Variants in NFX1 observed in about 807,000 individuals in gnomAD.
NFX1 encodes nuclear transcription factor, X-box binding 1.
Under a neutral mutation model 137.2 loss-of-function variants are expected in NFX1, and 69 were observed. The observed-to-expected ratio is 0.50, with a 90% CI of 0.41 to 0.61. The LOEUF is 0.61. Among genes scored for constraint, NFX1 ranks in the 20% least tolerant of loss-of-function variants. The probability of loss-of-function intolerance (pLI) is 0.00; values close to 1 mark genes in which losing one functional copy is unlikely to be tolerated. For missense variants in NFX1, 1,167 were observed against 1,391.0 expected, an observed-to-expected ratio of 0.84 and a Z score of 2.56; for synonymous variants, 495 against 474.1, an observed-to-expected ratio of 1.04 and a Z score of -0.57.
chr9:33,363,993 CT>C lies in NFX1; in HGVS notation c.2874-16del. ...CCTCCCACTCCTTTTATTTGCATAC[CT>C]CTCTCTCTCTTTCAGGAGATTAGCA... On this transcript the variant is annotated splice_polypyrimidine_tract_variant and intron_variant, in intron 19 of 23. Coordinates refer to ENST00000379540, the MANE Select transcript of NFX1 (RefSeq NM_002504.6). The C allele has an allele frequency of 6.9e-7, 1 of 1,442,224 alleles. No homozygotes were observed. Among genetic ancestry groups the C allele is most frequent in the Non-Finnish European group, 9.4e-7 (1 of 1,063,710 alleles). The allele number at this position is 1,442,224 out of a possible 1,614,324, so 89.3% of individuals were successfully genotyped here.
chr9:33,367,932 A>C (rs1469896183), intron 23 of NFX1, among the ~76,000 whole-genome samples: 1 of 152,140 alleles, frequency 6.6e-6, no homozygotes, highest in African/African-American at 2.4e-5. Context: ...AACATCGTGT[A>C]GTTAGGAATA....
intron 11 of NFX1, among the ~76,000 whole-genome samples, chr9:33,333,172 T>A (rs1321890135): frequency 1.3e-5 from 2 of 152,214 alleles, no homozygotes; most frequent in Non-Finnish European, 2.9e-5. Context: ...AACCGACACA[T>A]ACTGTTGTTG....
At chr9:33,315,633 C>T (rs904965712) in intron 7 of NFX1, among the ~76,000 whole-genome samples, 4 of 151,614 alleles carry the variant, frequency 2.6e-5, no homozygotes, top group African/African-American at 9.7e-5. Flanking sequence ...GGCACGGTAG[C>T]TCATGCACTC....
intron 11 of NFX1, 30 bp downstream of exon 11, chr9:33,332,532 T>C: frequency 6.6e-7 from 1 of 1,518,922 alleles, no homozygotes; most frequent in East Asian, 2.4e-5. Context: ...TGAGGGAATT[T>C]CTGGGGTGAA....
intron 15 of NFX1, among the ~76,000 whole-genome samples, chr9:33,349,457 T>C (rs890203907): frequency 2.6e-5 from 4 of 152,202 alleles, no homozygotes; most frequent in African/African-American, 9.7e-5. Flanking sequence ...TGTTTAATGA[T>C]TGAGAACTAC....
At chr9:33,296,677 G>A (rs1409139730) in intron 2 of NFX1, among the ~76,000 whole-genome samples, 1 of 152,270 alleles carries the variant, frequency 6.6e-6, no homozygotes, top group Non-Finnish European at 1.5e-5. Context: ...CGAGGCTGCA[G>A]TGAGCTATTG....
rs1350712400 is a variant in NFX1, at chr9:33,301,362, AC to A, written c.1135del (p.His379MetfsTer5). 2 of 1,614,168 alleles carry A rather than the reference AC, an allele frequency of 1.2e-6. No homozygotes were observed. Among genetic ancestry groups the A allele is most frequent in the Admixed American group, 3.3e-5 (2 of 60,012 alleles). ...TAPVWSCQSC[Y>X]HVFHLNCIKK... ...CCAGTGTGGAGTTGTCAGAGCTGTTACCATGTGTTTCATTTGAACTGCATAA... is the reference window on the plus strand; with the variant it reads ...CCAGTGTGGAGTTGTCAGAGCTGTTACATGTGTTTCATTTGAACTGCATAA... On this transcript the variant is annotated frameshift_variant, in exon 3 of 24. Coordinates refer to ENST00000379540, the MANE Select transcript of NFX1 (RefSeq NM_002504.6). LOFTEE classifies it high-confidence loss of function.
intron 15 of NFX1, chr9:33,347,760 A>G: frequency 2.9e-6 from 1 of 346,580 alleles, no homozygotes; most frequent in Non-Finnish European, 5.8e-6. Context: ...TCACAATTGC[A>G]AAAATGTGGA....
At chr9:33,322,681 A>G (rs1057043297) in intron 9 of NFX1, among the ~76,000 whole-genome samples, 5 of 152,172 alleles carry the variant, frequency 3.3e-5, no homozygotes, top group African/African-American at 1.2e-4. Flanking sequence ...GCAAGAGGCT[A>G]CTATCCCACC....
chr9:33,292,095 C>CA (rs1821183289), intron 1 of NFX1, among the ~76,000 whole-genome samples: 2 of 152,144 alleles, frequency 1.3e-5, no homozygotes, highest in South Asian at 2.1e-4. Context: ...CATTTCTGTA[C>CA]CCTTCAGTGT....
chr9:33,296,589 G>A (rs537485251), intron 2 of NFX1, among the ~76,000 whole-genome samples: 13 of 152,274 alleles, frequency 8.5e-5, no homozygotes, highest in African/African-American at 3.1e-4. Context: ...AAAAAAATTA[G>A]CCAGGCATGT....
At chr9:33,305,441 G>A (rs942095135) in intron 4 of NFX1, among the ~76,000 whole-genome samples, 1 of 152,182 alleles carries the variant, frequency 6.6e-6, no homozygotes, top group African/African-American at 2.4e-5. Flanking sequence ...ATGATGGTAG[G>A]GGAGTGGGAG....
rs1823274758 is a variant in NFX1 at position 33,342,761 on chromosome 9, T to C, written c.2131T>C (p.Cys711Arg). 6.2e-7 allele frequency: 1 copy of C among 1,612,550 alleles called. No individual in the cohort carries two copies. Among genetic ancestry groups the C allele is most frequent in the South Asian group, 1.1e-5 (1 of 90,730 alleles). The change falls in exon 13 of 24, where the codon TGT becomes CGT. Residue 711 changes from cysteine (C) to arginine (R), a missense_variant. Cys to Arg is a radical substitution (Grantham distance 180). Transcript: ENST00000379540. The stretch of plus-strand genomic sequence containing the variant: ...CTTTTCCCAGGATAAGGAGCACAAG[T>C]GTCCTTTGATTTGTGGGAGGAAACT... ...EICCVDKEHK[C>R]PLICGRKLRC...
chr9:33,339,757 A>T lies in NFX1; in HGVS notation c.2115+1168A>T, dbSNP rs547226205. ...GTACAGGCATTGGGTATATACAGCC[A>T]TTCCAAATGGGAGAAATTGGCCAAA... On this transcript the variant is annotated intron_variant, in intron 12 of 23. Transcript: ENST00000379540. Among the ~76,000 whole-genome samples, 7 of 152,374 alleles carry T rather than the reference A, an allele frequency of 4.6e-5. 1 individual carries two copies. In the South Asian group the frequency reaches 1.4e-3, roughly 32 times the overall value.
At chr9:33,354,991 G>T in intron 19 of NFX1, 99 bp downstream of exon 19, 2 of 1,137,656 alleles carry the variant, frequency 1.8e-6, no homozygotes, top group Middle Eastern at 2.1e-4. Context: ...TCAGCACTGC[G>T]CTGCGTCTTT....
In NFX1 at chr9:33,344,074, GATGA is replaced by G; in HGVS notation, c.2233_2236del (p.Glu745Ter). 1 of 1,613,914 alleles carries G rather than the reference GATGA, an allele frequency of 6.2e-7. No homozygotes were observed. The highest frequency in any genetic ancestry group is 8.5e-7 in the Non-Finnish European group (1 of 1,179,890). ...TTTACCTGCTGCTCCACCAGGTTTTGATGAATTAACCTGCCATTGTGGTGCATCA... is the reference window on the plus strand; with the variant it reads ...TTTACCTGCTGCTCCACCAGGTTTTGATTAACCTGCCATTGTGGTGCATCA... On this transcript the variant is annotated frameshift_variant, in exon 14 of 24. Coordinates refer to ENST00000379540, the MANE Select transcript of NFX1 (RefSeq NM_002504.6). LOFTEE classifies it high-confidence loss of function.
Position 33,308,287 on chromosome 9 carries a change from T to G in NFX1, c.1376+988T>G, listed in dbSNP as rs991246240. On this transcript the variant is annotated intron_variant, in intron 5 of 23. Coordinates refer to ENST00000379540, the MANE Select transcript of NFX1 (RefSeq NM_002504.6). ...TGAGACCCCGTCTCTACAAAAAAAT[T>G]TAAAATTAGCCAGCTGTGGTGGCAC... is the stretch of plus-strand genomic sequence containing the variant. Among the ~76,000 whole-genome samples the G allele has an allele frequency of 7.2e-5, 11 of 151,886 alleles. 1 individual carries two copies. In the South Asian group the frequency reaches 1.3e-3, roughly 17 times the overall value.
intron 1 of NFX1, among the ~76,000 whole-genome samples, chr9:33,292,191 A>G (rs1821186567): frequency 6.6e-6 from 1 of 152,228 alleles, no homozygotes; most frequent in Admixed American, 6.5e-5. Flanking sequence ...CAACCCAGAA[A>G]GTATCTAATG....
intron 3 of NFX1, among the ~76,000 whole-genome samples, chr9:33,301,936 G>GT (rs1388844555): frequency 1.3e-5 from 2 of 152,176 alleles, no homozygotes; most frequent in African/African-American, 2.4e-5. Flanking sequence ...GCCAGGCGTG[G>GT]TGGCGGGCAC....
Sources: allele counts gnomAD v4.1 joint callset (sites outside exome capture counted in the v4.1 genomes callset), GRCh38; gene constraint gnomAD v4.1.1; transcripts MANE v1.5; gene names NCBI Gene and HGNC (gene_info 2026-07-23, HGNC 2026-07-21).